The following TSHZ2 variants were observed in gnomAD, a reference collection of about 807,000 sequenced individuals.
TSHZ2 encodes teashirt zinc finger homeobox 2, also known as teashirt homolog 2.
In TSHZ2, 21 loss-of-function variants were observed where a neutral mutation model predicts 74.4. The observed-to-expected ratio is 0.28, with a 90% CI of 0.20 to 0.41. The LOEUF (loss-of-function observed/expected upper bound fraction) is 0.41, where lower values mean the gene tolerates loss of function less well. TSHZ2 is among the 10% of genes least tolerant of loss of function. The pLI, the probability that TSHZ2 is intolerant of heterozygous loss-of-function variation, is 1.00. For synonymous variants in TSHZ2, 540 were observed against 515.3 expected (o/e 1.05, Z -0.65); for missense variants, 1,244 against 1,293.5 (o/e 0.96, Z 0.59).
At chr20:53,125,923 T>A (rs1986936019) in intron 1 of TSHZ2, among the ~76,000 whole-genome samples, 1 of 152,254 alleles carries the variant, frequency 6.6e-6, no homozygotes, top group African/African-American at 2.4e-5. Flanking sequence ...GTATTGGTGC[T>A]AAAGTCACAA....
intron 1 of TSHZ2, among the ~76,000 whole-genome samples, chr20:53,228,312 A>G (rs1316505511): frequency 6.6e-6 from 1 of 152,206 alleles, no homozygotes; most frequent in Non-Finnish European, 1.5e-5. Context: ...TTTTCCAGCT[A>G]AAGTTGTTTG....
intron 2 of TSHZ2, among the ~76,000 whole-genome samples, chr20:53,439,705 T>C (rs1414301571): frequency 6.6e-6 from 1 of 152,230 alleles, no homozygotes. Flanking sequence ...TTGGAAGCGC[T>C]GTGTCTGTTC....
intron 1 of TSHZ2, among the ~76,000 whole-genome samples, chr20:53,003,255 GGTGTGTGTGT>G (rs11468763): frequency 1.2e-3 from 163 of 139,606 alleles, no homozygotes; most frequent in African/African-American, 3.6e-3. Flanking sequence ...CTCCAGGGAT[GGTGTGTGTGT>G]GTGTGTGTGT....
rs972938176 is a variant in TSHZ2 at position 53,463,308 on chromosome 20, G to C, written c.*9-23836G>C. On this transcript the variant is annotated intron_variant, in intron 2 of 2. Transcript: ENST00000371497. ...GGGTAGAGACAGGAGAATCACATGA[G>C]CCCATGAGCCTAGGAGTTTGAGACT... Among the ~76,000 whole-genome samples, 7 of 151,526 alleles carry C rather than the reference G, an allele frequency of 4.6e-5. 1 individual carries two copies. The highest frequency in any genetic ancestry group is 4.6e-4 in the Admixed American group (7 of 15,180).
intron 2 of TSHZ2, among the ~76,000 whole-genome samples, chr20:53,347,066 G>A (rs1022572149): frequency 1.4e-4 from 22 of 152,200 alleles, no homozygotes; most frequent in Non-Finnish European, 1.8e-4. Context: ...TCCTGGGAAA[G>A]CAGTCCCTCA....
chr20:52,996,992 A>T (rs578169727), intron 1 of TSHZ2, among the ~76,000 whole-genome samples: 3 of 152,224 alleles, frequency 2.0e-5, no homozygotes, highest in East Asian at 3.9e-4. Context: ...GAGTAATTAA[A>T]TTGAGCTCGC....
intron 1 of TSHZ2, among the ~76,000 whole-genome samples, chr20:53,139,511 G>T (rs745477593): frequency 1.3e-5 from 2 of 152,118 alleles, no homozygotes; most frequent in Admixed American, 1.3e-4. Context: ...TGCCAGCCTG[G>T]AGTACTTTCC....
chr20:53,483,445 A>G (rs569413301), intron 2 of TSHZ2, among the ~76,000 whole-genome samples: 1 of 152,322 alleles, frequency 6.6e-6, no homozygotes, highest in Admixed American at 6.5e-5. Context: ...CAGGAGATCG[A>G]GGCTGCAGTC....
At chr20:53,245,148 A>G (rs562014019) in intron 1 of TSHZ2, among the ~76,000 whole-genome samples, 9 of 152,338 alleles carry the variant, frequency 5.9e-5, no homozygotes, top group African/African-American at 1.7e-4. Flanking sequence ...ATACTTTATC[A>G]CATGCTATAC....
chr20:53,251,032 G>A (rs964449226), intron 1 of TSHZ2, among the ~76,000 whole-genome samples: 3 of 152,014 alleles, frequency 2.0e-5, no homozygotes, highest in Non-Finnish European at 4.4e-5. Context: ...TGTCAGGCAC[G>A]GTGCTAGGCA....
At chr20:53,404,273 CTAAGA>C (rs533418397) in intron 2 of TSHZ2, among the ~76,000 whole-genome samples, 84 of 152,222 alleles carry the variant, frequency 5.5e-4, no homozygotes, top group South Asian at 8.3e-4. Context: ...TTATATTCAC[CTAAGA>C]TTTCTCTGGC....
chr20:53,376,014 A>G (rs1459482692), intron 2 of TSHZ2, among the ~76,000 whole-genome samples: 1 of 152,218 alleles, frequency 6.6e-6, no homozygotes, highest in South Asian at 2.1e-4. Context: ...AAAATGTTGT[A>G]AGGGTCTATA....
At chr20:53,270,996 A>G (rs566494398) in intron 2 of TSHZ2, among the ~76,000 whole-genome samples, 28 of 152,214 alleles carry the variant, frequency 1.8e-4, no homozygotes, top group African/African-American at 6.5e-4. Context: ...GTAACCATGG[A>G]GATGGGTCCC....
At chr20:53,232,600 C>T (rs1989851669) in intron 1 of TSHZ2, among the ~76,000 whole-genome samples, 2 of 152,100 alleles carry the variant, frequency 1.3e-5, no homozygotes, top group African/African-American at 4.8e-5. Context: ...TAGCCAGGTC[C>T]TCTTCATAAT....
At chr20:53,387,143 G>C (rs73913715) in intron 2 of TSHZ2, among the ~76,000 whole-genome samples, 2,989 of 152,168 alleles carry the variant, frequency 0.02, 87 homozygotes, top group African/African-American at 0.069. Flanking sequence ...GTTTTCACTT[G>C]AATTTTCACT....
In TSHZ2 at chr20:53,168,425, A is replaced by G. The variant is rs529114423; in HGVS notation, c.41-85074A>G. ...TGTGTTCTTAGTTAAACTCCAAAAG[A>G]GTTAAAATCCACTCAAATATACCAA... is the stretch of plus-strand genomic sequence containing the variant. On this transcript the variant is annotated intron_variant, in intron 1 of 2. Transcript: ENST00000371497. 1.4e-4 allele frequency among the ~76,000 whole-genome samples: 21 copies of G among 152,364 alleles called. No individual in the cohort carries two copies. The East Asian group carries it at 3.8e-3, about 28-fold the overall frequency.
At chr20:53,323,524 C>A (rs1220313394) in intron 2 of TSHZ2, among the ~76,000 whole-genome samples, 3 of 125,868 alleles carry the variant, frequency 2.4e-5, no homozygotes, top group African/African-American at 6.0e-5. Context: ...AGGATTCTTT[C>A]TTCCCATCAA....
intron 1 of TSHZ2, among the ~76,000 whole-genome samples, chr20:52,981,686 A>G (rs1981575421): frequency 6.6e-6 from 1 of 152,228 alleles, no homozygotes; most frequent in African/African-American, 2.4e-5. Context: ...CTCCTGAGGC[A>G]GACTCATTCT....
chr20:52,997,055 C>A lies in TSHZ2; in HGVS notation c.40+23722C>A, dbSNP rs573943273. Among the ~76,000 whole-genome samples the A allele has an allele frequency of 1.6e-4, 25 of 152,232 alleles. No individual in the cohort carries two copies. In the South Asian group the frequency reaches 2.9e-3, roughly 18 times the overall value. On this transcript the variant is annotated intron_variant, in intron 1 of 2. Coordinates refer to ENST00000371497, the MANE Select transcript of TSHZ2 (RefSeq NM_173485.6). ...TTTGTTTGGGGACATTCATTGGGAGCGGCTGGGATCTGTTACAAAGGCAAT... is the reference window on the plus strand; with the variant it reads ...TTTGTTTGGGGACATTCATTGGGAGAGGCTGGGATCTGTTACAAAGGCAAT...
Sources: gnomAD v4.1 joint callset for allele counts (sites outside exome capture counted in the v4.1 genomes callset) on GRCh38, gnomAD v4.1.1 for gene constraint, MANE v1.5 for transcripts, NCBI Gene and HGNC (gene_info 2026-07-23, HGNC 2026-07-21) for gene names.